Variants in NTM observed in about 807,000 individuals in gnomAD.
The protein encoded by NTM is neurotrimin.
Under a neutral mutation model 42.1 loss-of-function variants are expected in NTM, and 13 were observed. The observed-to-expected ratio is 0.31, with a 90% CI of 0.20 to 0.49. NTM has a LOEUF of 0.49. Among genes scored for constraint, NTM ranks in the 20% least tolerant of loss-of-function variants. The probability of loss-of-function intolerance (pLI) is 0.99; values close to 1 mark genes in which losing one functional copy is unlikely to be tolerated. For missense variants in NTM, 373 were observed against 452.8 expected (o/e 0.82, Z 1.60); for synonymous variants, 187 against 179.2 (o/e 1.04, Z -0.35).
intron 1 of NTM, among the ~76,000 whole-genome samples, chr11:131,656,082 T>C (rs2067149470): frequency 1.3e-5 from 2 of 152,208 alleles, no homozygotes; most frequent in African/African-American, 4.8e-5. Flanking sequence ...TCTGCCATTT[T>C]CCTGGGCCTC....
At chr11:131,493,465 G>C (rs1955011758) in intron 1 of NTM, among the ~76,000 whole-genome samples, 1 of 152,100 alleles carries the variant, frequency 6.6e-6, no homozygotes, top group Non-Finnish European at 1.5e-5. Context: ...CAGCTTCTCT[G>C]GTGGCCATTC....
chr11:132,025,378 G>A (rs2075029272), intron 2 of NTM, among the ~76,000 whole-genome samples: 1 of 152,176 alleles, frequency 6.6e-6, no homozygotes, highest in Admixed American at 6.5e-5. Context: ...ATCTTTGGAA[G>A]CAATTTTGTA....
intron 1 of NTM, among the ~76,000 whole-genome samples, chr11:131,576,907 T>C (rs1051762497): frequency 3.3e-5 from 5 of 152,240 alleles, no homozygotes; most frequent in Admixed American, 1.3e-4. Flanking sequence ...GATATGGTTA[T>C]TGCAAGATTA....
At chr11:131,725,365 C>T (rs753565306) in intron 1 of NTM, among the ~76,000 whole-genome samples, 6 of 152,084 alleles carry the variant, frequency 3.9e-5, no homozygotes, top group Non-Finnish European at 7.3e-5. Flanking sequence ...TAAAATAGGC[C>T]TGATATAGAC....
intron 1 of NTM, among the ~76,000 whole-genome samples, chr11:131,806,552 T>C: frequency 6.6e-6 from 1 of 152,258 alleles, no homozygotes; most frequent in East Asian, 1.9e-4. Context: ...AACTGTAATA[T>C]AATATAATTT....
In NTM at chr11:131,370,633, A is replaced by C; in HGVS notation, c.-174A>C. 1 of 609,390 alleles carries C rather than the reference A, an allele frequency of 1.6e-6. No homozygotes were observed. Among genetic ancestry groups the C allele is most frequent in the Non-Finnish European group, 2.9e-6 (1 of 346,514 alleles). The allele number at this position is 609,390 out of a possible 1,614,324, so 37.7% of individuals were successfully genotyped here. Reference sequence around the variant, plus strand: ...CAGTGCCAGAGTATGAGTGGAGATAATTACGGAGAAGTCATACTCTCTCAC... The same window carrying C: ...CAGTGCCAGAGTATGAGTGGAGATACTTACGGAGAAGTCATACTCTCTCAC... On this transcript the variant is annotated 5_prime_UTR_variant, in exon 1 of 9. Coordinates refer to ENST00000683400, the MANE Select transcript of NTM (RefSeq NM_001352005.2).
chr11:132,226,126 G>T (rs545091311), intron 4 of NTM, among the ~76,000 whole-genome samples: 1 of 152,148 alleles, frequency 6.6e-6, no homozygotes, highest in Admixed American at 6.5e-5. Context: ...GGACATTTGG[G>T]TTGGTTCCAA....
chr11:131,598,823 TTTC>T (rs1199970124), intron 1 of NTM, among the ~76,000 whole-genome samples: 8 of 49,894 alleles, frequency 1.6e-4, no homozygotes, highest in African/African-American at 4.5e-4. Context: ...TCTTTCTTTC[TTTC>T]TTCTTTCTTT....
intron 4 of NTM, among the ~76,000 whole-genome samples, chr11:132,294,541 G>A (rs933279650): frequency 2.0e-5 from 3 of 152,106 alleles, no homozygotes; most frequent in Admixed American, 1.3e-4. Flanking sequence ...TGGAATTATC[G>A]GGAAGGAGGA....
chr11:132,160,043 G>A (rs1221607216), intron 3 of NTM, among the ~76,000 whole-genome samples: 2 of 152,188 alleles, frequency 1.3e-5, no homozygotes, highest in Non-Finnish European at 2.9e-5. Flanking sequence ...GCTCCCCTAA[G>A]TGGGTCAGTG....
intron 2 of NTM, among the ~76,000 whole-genome samples, chr11:132,056,617 ACT>A (rs1380573684): frequency 6.6e-6 from 1 of 152,098 alleles, no homozygotes; most frequent in Non-Finnish European, 1.5e-5. Flanking sequence ...GGAGAATCAG[ACT>A]CTCTTGGACT....
intron 1 of NTM, among the ~76,000 whole-genome samples, chr11:131,447,420 C>T (rs779436636): frequency 9.2e-5 from 14 of 152,230 alleles, no homozygotes; most frequent in South Asian, 4.2e-4. Flanking sequence ...TCAGAGGCTC[C>T]GAAATCCCTG....
intron 1 of NTM, among the ~76,000 whole-genome samples, chr11:131,545,577 C>T (rs981092691): frequency 1.3e-5 from 2 of 152,120 alleles, no homozygotes; most frequent in Non-Finnish European, 2.9e-5. Flanking sequence ...GCTAGGTTCT[C>T]AGAATAGAGA....
At chr11:131,719,499 A>G (rs1389587036) in intron 1 of NTM, among the ~76,000 whole-genome samples, 1 of 152,210 alleles carries the variant, frequency 6.6e-6, no homozygotes, top group Non-Finnish European at 1.5e-5. Flanking sequence ...TGCTTGTAAC[A>G]AAAGCAGGAG....
At chr11:131,371,870 C>A (rs1216166392) in intron 1 of NTM, among the ~76,000 whole-genome samples, 1 of 152,236 alleles carries the variant, frequency 6.6e-6, no homozygotes, top group African/African-American at 2.4e-5. Flanking sequence ...GAGAAACTTT[C>A]CCAGGGTGGC....
At chr11:131,760,549 T>A (rs1201814119) in intron 1 of NTM, among the ~76,000 whole-genome samples, 3 of 152,178 alleles carry the variant, frequency 2.0e-5, no homozygotes, top group African/African-American at 7.2e-5. Flanking sequence ...TCCGTTCTGA[T>A]TCCCCCGCTC....
At chr11:132,073,923 A>C (rs931373609) in intron 2 of NTM, among the ~76,000 whole-genome samples, 2 of 152,182 alleles carry the variant, frequency 1.3e-5, no homozygotes, top group African/African-American at 2.4e-5. Flanking sequence ...CAGAATGCAG[A>C]GGACACTGTA....
chr11:131,908,441 A>G (rs1200698081), intron 1 of NTM, among the ~76,000 whole-genome samples: 1 of 152,218 alleles, frequency 6.6e-6, no homozygotes, highest in Non-Finnish European at 1.5e-5. Context: ...CTACCTGAAA[A>G]TTAGATGCAA....
At chr11:132,213,697 C>A (rs1003597042) in intron 4 of NTM, among the ~76,000 whole-genome samples, 3 of 151,242 alleles carry the variant, frequency 2.0e-5, no homozygotes, top group African/African-American at 7.3e-5. Flanking sequence ...TGTGTGTGGC[C>A]TGAATTCCTG....
Sources: allele counts gnomAD v4.1 joint callset (sites outside exome capture counted in the v4.1 genomes callset), GRCh38; gene constraint gnomAD v4.1.1; transcripts MANE v1.5; gene names NCBI Gene and HGNC (gene_info 2026-07-23, HGNC 2026-07-21).